ZSWIM5: variants seen among roughly 807,000 people sequenced by gnomAD.
ZSWIM5 encodes zinc finger SWIM-type containing 5, also known as zinc finger SWIM domain-containing protein 5.
A neutral mutation model predicts 119.6 loss-of-function variants in ZSWIM5; 55 were observed. The observed-to-expected ratio is 0.46, with a 90% CI of 0.37 to 0.58. The LOEUF is 0.58. ZSWIM5 is among the 20% of genes least tolerant of loss of function. The pLI, the probability that ZSWIM5 is intolerant of heterozygous loss-of-function variation, is 0.00. For missense variants in ZSWIM5, 1,193 were observed against 1,512.8 expected, an observed-to-expected ratio of 0.79 and a Z score of 3.51; for synonymous variants, 537 against 606.9, an observed-to-expected ratio of 0.88 and a Z score of 1.69.
chr1:45,123,736 A>C (rs1021225085), intron 1 of ZSWIM5, among the ~76,000 whole-genome samples: 5 of 152,192 alleles, frequency 3.3e-5, no homozygotes, highest in African/African-American at 9.6e-5. Flanking sequence ...CAAAAGACAT[A>C]AAGCTACAGA....
intron 1 of ZSWIM5, among the ~76,000 whole-genome samples, chr1:45,110,016 C>T (rs1645507311): frequency 6.6e-6 from 1 of 152,038 alleles, no homozygotes; most frequent in African/African-American, 2.4e-5. Context: ...AGATGCACAC[C>T]ACCACACCTG....
intron 2 of ZSWIM5, among the ~76,000 whole-genome samples, chr1:45,064,278 TTTA>T (rs1645170329): frequency 1.3e-5 from 2 of 152,230 alleles, no homozygotes; most frequent in African/African-American, 2.4e-5. Context: ...TTCATAGCAC[TTTA>T]TTATTACTTC....
intron 11 of ZSWIM5, among the ~76,000 whole-genome samples, chr1:45,030,669 T>C (rs1004553777): frequency 1.9e-4 from 29 of 152,256 alleles, no homozygotes; most frequent in Non-Finnish European, 3.4e-4. Flanking sequence ...TATTACCATT[T>C]TGATGTCTTT....
rs369635459 is a variant in ZSWIM5, at chr1:45,088,205, C to T, written c.628G>A (p.Ala210Thr). Reference sequence around the variant, plus strand: ...GTCACTGCTGGTTCAGAGGCAGTGGCCAGCTCAGTTACTGTGCCACTCAGA... The same window carrying T: ...GTCACTGCTGGTTCAGAGGCAGTGGTCAGCTCAGTTACTGTGCCACTCAGA... ...FHLSGTVTEL[A>T]TASEPAVTYK... Residue 210 changes from alanine to threonine, a missense_variant, in exon 2 of 14, where the codon GCC becomes ACC. This residue lies in a region of ZSWIM5 where 961 missense variants were observed against 1,290.0 expected (regional missense o/e 0.74). Coordinates refer to ENST00000359600, the MANE Select transcript of ZSWIM5 (RefSeq NM_020883.2). The surrounding 1 kb of genome is among the most constrained non-coding windows in gnomAD (Gnocchi z 4.2). 27 of 1,611,710 alleles carry T rather than the reference C, an allele frequency of 1.7e-5. No individual in the cohort carries two copies. Among genetic ancestry groups the T allele is most frequent in the Non-Finnish European group, 2.0e-5 (24 of 1,178,536 alleles).
At chr1:45,108,697 C>A (rs1280965966) in intron 1 of ZSWIM5, among the ~76,000 whole-genome samples, 1 of 151,672 alleles carries the variant, frequency 6.6e-6, no homozygotes, top group East Asian at 1.9e-4. Flanking sequence ...TGTAAGCATT[C>A]AAAAAATATT....
intron 4 of ZSWIM5, among the ~76,000 whole-genome samples, chr1:45,052,699 G>A (rs1645096227): frequency 6.7e-6 from 1 of 149,852 alleles, no homozygotes. Flanking sequence ...TTTGAGCCCA[G>A]GAGGTGGAAG....
chr1:45,059,980 T>C (rs1645143248), intron 3 of ZSWIM5, 119 bp downstream of exon 3: 2 of 1,268,242 alleles, frequency 1.6e-6, no homozygotes, highest in South Asian at 2.9e-5. Flanking sequence ...TTTCAAGTAT[T>C]CAGTTCAGCT....
chr1:45,169,533 A>G (rs1645932821), intron 1 of ZSWIM5, among the ~76,000 whole-genome samples: 1 of 152,098 alleles, frequency 6.6e-6, no homozygotes, highest in Non-Finnish European at 1.5e-5. Flanking sequence ...CCATGTAATC[A>G]TCATCAGACC....
At chr1:45,047,089 T>C (rs977390303) in intron 5 of ZSWIM5, among the ~76,000 whole-genome samples, 20 of 149,656 alleles carry the variant, frequency 1.3e-4, no homozygotes, top group Non-Finnish European at 2.8e-4. Flanking sequence ...GCATTTTAGA[T>C]TGGGAAATGG....
intron 1 of ZSWIM5, among the ~76,000 whole-genome samples, chr1:45,155,551 T>C (rs752782565): frequency 2.6e-5 from 4 of 152,064 alleles, no homozygotes; most frequent in Non-Finnish European, 5.9e-5. Context: ...AAGAAGTCAT[T>C]ACACAAAAAA....
chr1:45,182,383 G>A (rs1278741486), intron 1 of ZSWIM5, among the ~76,000 whole-genome samples: 3 of 146,622 alleles, frequency 2.0e-5, no homozygotes, highest in Non-Finnish European at 3.0e-5. Flanking sequence ...CCGCCTGGGC[G>A]ACAGAACGAG....
At chr1:45,026,625 AATTTGTTCAAG>A (rs1392520599) in intron 11 of ZSWIM5, among the ~76,000 whole-genome samples, 2 of 152,242 alleles carry the variant, frequency 1.3e-5, no homozygotes, top group African/African-American at 2.4e-5. Context: ...GATTTGCTAA[AATTTGTTCAAG>A]ATTTTTGCAT....
chr1:45,154,170 T>G (rs560807133), intron 1 of ZSWIM5, among the ~76,000 whole-genome samples: 2 of 152,218 alleles, frequency 1.3e-5, no homozygotes, highest in East Asian at 3.9e-4. Context: ...ATGACCATAC[T>G]GCCAAAAGCA....
intron 1 of ZSWIM5, among the ~76,000 whole-genome samples, chr1:45,101,465 T>C (rs969223380): frequency 1.3e-5 from 2 of 152,206 alleles, no homozygotes; most frequent in African/African-American, 2.4e-5. Flanking sequence ...AGTTCAACCA[T>C]TGTGGAAGAC....
intron 1 of ZSWIM5, among the ~76,000 whole-genome samples, chr1:45,090,351 C>T (rs1234835455): frequency 6.6e-6 from 1 of 152,150 alleles, no homozygotes; most frequent in East Asian, 1.9e-4. Context: ...AAACAAGCTG[C>T]AGGTTTAAAA....
intron 5 of ZSWIM5, among the ~76,000 whole-genome samples, chr1:45,050,024 C>T (rs1023286696): frequency 9.2e-5 from 14 of 152,092 alleles, no homozygotes; most frequent in African/African-American, 3.1e-4. Context: ...TCATGATTTC[C>T]TCCTTGAGAC....
chr1:45,041,726 C>T (rs1356694544), intron 6 of ZSWIM5, among the ~76,000 whole-genome samples: 1 of 152,100 alleles, frequency 6.6e-6, no homozygotes, highest in Non-Finnish European at 1.5e-5. Flanking sequence ...TAAGTAGAGA[C>T]AGGGTTTCAC....
At chr1:45,049,495 A>G (rs1035604307) in intron 5 of ZSWIM5, among the ~76,000 whole-genome samples, 3 of 152,128 alleles carry the variant, frequency 2.0e-5, no homozygotes, top group Non-Finnish European at 2.9e-5. Flanking sequence ...TAACAACAAC[A>G]AAGAACCAAT....
intron 1 of ZSWIM5, among the ~76,000 whole-genome samples, chr1:45,094,058 T>C (rs999326928): frequency 3.3e-5 from 5 of 149,770 alleles, no homozygotes; most frequent in African/African-American, 7.3e-5. Flanking sequence ...TATTTATTTA[T>C]TTATTTATTT....
Sources: gnomAD v4.1 joint callset for allele counts (sites outside exome capture counted in the v4.1 genomes callset) on GRCh38, gnomAD v4.1.1 for gene constraint, gnomAD v4.1.1 regional missense constraint, Gnocchi (gnomAD v3.1) non-coding constraint, MANE v1.5 for transcripts, NCBI Gene and HGNC (gene_info 2026-07-23, HGNC 2026-07-21) for gene names.